Variants in DMD observed in about 807,000 individuals in gnomAD.
DMD encodes mutant dystrophin.
Under a neutral mutation model 330.1 loss-of-function variants are expected in DMD, and 63 were observed. The ratio of observed to expected loss-of-function variants is 0.19; its 90% CI spans 0.16 to 0.24. The LOEUF is 0.24. Among genes scored for constraint, DMD ranks in the 10% least tolerant of loss-of-function variants. The pLI is 1.00. For synonymous variants in DMD, 1,223 were observed against 959.8 expected, an observed-to-expected ratio of 1.27 and a Z score of -5.07; for missense variants, 3,344 against 2,684.1, an observed-to-expected ratio of 1.25 and a Z score of -5.43.
intron 44 of DMD, among the ~76,000 whole-genome samples, chrX:31,986,276 A>G (rs2095508216): frequency 1.8e-5 from 2 of 112,224 alleles, no homozygotes; most frequent in Non-Finnish European, 1.9e-5. Context: ...TCAATAAAAT[A>G]TTAAATAAAA....
intron 16 of DMD, among the ~76,000 whole-genome samples, chrX:32,560,961 G>A (rs866604537): frequency 1.8e-5 from 2 of 111,300 alleles, no homozygotes; most frequent in Non-Finnish European, 3.8e-5. Context: ...ATCCAGTAAC[G>A]GCCTTGCTGG....
In DMD at chrX:31,902,751, C is replaced by T. The variant is rs1340388231; in HGVS notation, c.6912+26845G>A. 5.4e-5 allele frequency among the ~76,000 whole-genome samples: 6 copies of T among 111,556 alleles called. No individual in the cohort carries two copies. In the Admixed American group the frequency reaches 5.7e-4, roughly 11 times the overall value. On this transcript the variant is annotated intron_variant, in intron 47 of 78. Coordinates refer to ENST00000357033, the MANE Select transcript of DMD (RefSeq NM_004006.3). Reference sequence around the variant, plus strand: ...ACCAAAAGAAATCCAAGAATTACATCCCGTATAATCCTAGTTGTGGATTTA... The same window carrying T: ...ACCAAAAGAAATCCAAGAATTACATTCCGTATAATCCTAGTTGTGGATTTA...
intron 21 of DMD, among the ~76,000 whole-genome samples, chrX:32,479,962 G>C (rs2041676341): frequency 9.0e-6 from 1 of 111,147 alleles, no homozygotes. Context: ...TATTAACAGA[G>C]TGAAGAGGCA....
At chrX:31,480,192 T>C (rs1225340127) in intron 57 of DMD, among the ~76,000 whole-genome samples, 1 of 111,976 alleles carries the variant, frequency 8.9e-6, no homozygotes, top group Non-Finnish European at 1.9e-5. Context: ...AAATTAGCAG[T>C]ATTCTTCCTT....
At chrX:31,818,027 T>C (rs1180551673) in intron 50 of DMD, among the ~76,000 whole-genome samples, 1 of 111,609 alleles carries the variant, frequency 9.0e-6, no homozygotes, top group Admixed American at 9.5e-5. Context: ...TTAGTTGTTC[T>C]CTGTAATGGT....
chrX:31,424,841 C>T (rs1307204421), intron 60 of DMD, among the ~76,000 whole-genome samples: 18 of 112,029 alleles, frequency 1.6e-4, no homozygotes, highest in Admixed American at 7.6e-4. Flanking sequence ...TTTACTACAA[C>T]GTTTAACGAA....
chrX:31,331,797 GCT>G (rs2057138415), intron 61 of DMD, among the ~76,000 whole-genome samples: 1 of 111,783 alleles, frequency 8.9e-6, no homozygotes, highest in African/African-American at 3.3e-5. Flanking sequence ...TTTGCTGAAC[GCT>G]CTCTGTGTGA....
At chrX:32,220,327 G>T (rs982661385) in intron 43 of DMD, among the ~76,000 whole-genome samples, 2 of 111,606 alleles carry the variant, frequency 1.8e-5, no homozygotes, top group Non-Finnish European at 3.8e-5. Context: ...ATTACAGCAT[G>T]CAACTGCTAA....
intron 55 of DMD, among the ~76,000 whole-genome samples, chrX:31,583,754 T>C (rs1371246312): frequency 9.2e-6 from 1 of 109,270 alleles, no homozygotes; most frequent in African/African-American, 3.3e-5. Flanking sequence ...TAGAGATATA[T>C]ATATATATAT....
At chrX:32,387,849 C>T (rs896625887) in intron 32 of DMD, among the ~76,000 whole-genome samples, 4 of 111,266 alleles carry the variant, frequency 3.6e-5, no homozygotes, top group Admixed American at 9.6e-5. Flanking sequence ...AATATAAATG[C>T]TTTATTTTGA....
chrX:32,765,763 T>A (rs771460066), intron 7 of DMD, among the ~76,000 whole-genome samples: 1 of 112,013 alleles, frequency 8.9e-6, no homozygotes, highest in East Asian at 2.8e-4. Flanking sequence ...TAGTGTCATA[T>A]CCAAGATATT....
At chrX:32,831,033 T>G (rs1603443326) in intron 4 of DMD, among the ~76,000 whole-genome samples, 1 of 111,160 alleles carries the variant, frequency 9.0e-6, no homozygotes, top group South Asian at 3.7e-4. Context: ...ATCGCCAGAC[T>G]AGTACTTACA....
At chrX:32,495,237 T>C (rs765329306) in intron 19 of DMD, among the ~76,000 whole-genome samples, 81 of 111,825 alleles carry the variant, frequency 7.2e-4, no homozygotes, top group South Asian at 3.0e-3. Context: ...TTCTAAACTA[T>C]AAACTCCTAT....
chrX:31,967,324 G>C (rs898355720), intron 45 of DMD, among the ~76,000 whole-genome samples: 1 of 102,855 alleles, frequency 9.7e-6, no homozygotes, highest in African/African-American at 3.6e-5. Flanking sequence ...GTGTGTGTGT[G>C]TGTGTGTGTG....
intron 44 of DMD, among the ~76,000 whole-genome samples, chrX:32,061,366 A>T (rs919048301): frequency 9.0e-6 from 1 of 111,236 alleles, no homozygotes; most frequent in African/African-American, 3.3e-5. Context: ...TCCTCATCTC[A>T]GCTGGTAAGA....
intron 15 of DMD, among the ~76,000 whole-genome samples, chrX:32,571,075 G>T (rs747944225): frequency 9.0e-6 from 1 of 111,328 alleles, no homozygotes; most frequent in African/African-American, 3.3e-5. Context: ...CTTGAATCTG[G>T]GCAGGCTTGT....
chrX:32,607,814 T>C (rs1274710606), intron 12 of DMD, among the ~76,000 whole-genome samples: 1 of 110,615 alleles, frequency 9.0e-6, no homozygotes, highest in Non-Finnish European at 1.9e-5. Context: ...ATTATTAATT[T>C]TGTATTACCT....
intron 34 of DMD, among the ~76,000 whole-genome samples, chrX:32,371,424 A>C (rs2097877279): frequency 9.1e-6 from 1 of 110,298 alleles, no homozygotes; most frequent in Non-Finnish European, 1.9e-5. Flanking sequence ...ATACTATAGG[A>C]CCAAATTTTT....
chrX:31,997,721 C>A (rs1329818073), intron 44 of DMD, among the ~76,000 whole-genome samples: 1 of 110,475 alleles, frequency 9.1e-6, no homozygotes, highest in Non-Finnish European at 1.9e-5. Context: ...TATTTTCAGG[C>A]ATGGATGGCT....
Sources: allele counts gnomAD v4.1 joint callset (sites outside exome capture counted in the v4.1 genomes callset), GRCh38; gene constraint gnomAD v4.1.1; transcripts MANE v1.5; gene names NCBI Gene and HGNC (gene_info 2026-07-23, HGNC 2026-07-21).